The following ACP6 variants were observed in gnomAD, a reference collection of about 807,000 sequenced individuals.
ACP6 encodes the protein acid phosphatase 6, lysophosphatidic.
Under a neutral mutation model 48.1 loss-of-function variants are expected in ACP6, and 48 were observed. That is an observed-to-expected ratio of 1.00 (90% confidence interval 0.79 to 1.27). The LOEUF is 1.27. ACP6 is among the 50% of genes most tolerant of loss of function. The pLI, the probability that ACP6 is intolerant of heterozygous loss-of-function variation, is 0.00. For synonymous variants in ACP6, 172 were observed against 204.2 expected, an observed-to-expected ratio of 0.84 and a Z score of 1.34; for missense variants, 485 against 529.1, an observed-to-expected ratio of 0.92 and a Z score of 0.82.
intron 6 of ACP6, among the ~76,000 whole-genome samples, chr1:147,653,508 C>T (rs974670312): frequency 2.0e-5 from 3 of 151,920 alleles, no homozygotes; most frequent in Non-Finnish European, 2.9e-5. Context: ...TCTTCATTTT[C>T]CCAAAATGAA....
intron 6 of ACP6, 144 bp downstream of exon 6, chr1:147,654,050 A>G (rs1363381663): frequency 7.3e-6 from 10 of 1,367,790 alleles, no homozygotes; most frequent in Non-Finnish European, 9.8e-6. Flanking sequence ...CCTATCCCTC[A>G]GTCCCCACAC....
At chr1:147,652,891 A>C (rs1299888542) in intron 6 of ACP6, among the ~76,000 whole-genome samples, 2 of 152,180 alleles carry the variant, frequency 1.3e-5, no homozygotes, top group African/African-American at 2.4e-5. Context: ...CAGTGGCACG[A>C]TCTCGGCTCA....
chr1:147,659,665 G>A lies in ACP6; in HGVS notation c.330C>T (p.Tyr110=). ...PKPYSPYDSQ[Y]HETTLKGGMF... Reference sequence around the variant, plus strand: ...TGCTCACCTTCAGGGTGGTCTCATGGTATTGAGAGTCGTAAGGAGAATATG... The same window carrying A: ...TGCTCACCTTCAGGGTGGTCTCATGATATTGAGAGTCGTAAGGAGAATATG... The change falls in exon 2 of 10, where the codon TAC becomes TAT. Residue 110 remains tyrosine, a synonymous_variant. Transcript: ENST00000583509. 1.2e-6 allele frequency: 2 copies of A among 1,614,204 alleles called. No individual in the cohort carries two copies. Among genetic ancestry groups the A allele is most frequent in the East Asian group, 4.5e-5 (2 of 44,884 alleles).
At chr1:147,633,231 T>C (rs1272827965) in intron 5 of ACP6, among the ~76,000 whole-genome samples, 1 of 152,200 alleles carries the variant, frequency 6.6e-6, no homozygotes, top group Non-Finnish European at 1.5e-5. Context: ...TTCTTTCTCA[T>C]CCCAGCCCTT....
In ACP6 at chr1:147,646,152, ATAGAT is replaced by A. The variant is rs782796095; in HGVS notation, c.*1266_*1270del. Reference sequence around the variant, plus strand: ...GAAGATTGAGGATAAAGATATGTGAATAGATTAAAGAAATAAACAGGTAGTATTGA... The same window carrying A: ...GAAGATTGAGGATAAAGATATGTGAATAAAGAAATAAACAGGTAGTATTGA... On this transcript the variant is annotated 3_prime_UTR_variant, in exon 10 of 10. Coordinates refer to ENST00000583509, the MANE Select transcript of ACP6 (RefSeq NM_016361.5). 3 of 152,218 alleles carry A rather than the reference ATAGAT, an allele frequency of 2.0e-5. No homozygotes were observed. Among genetic ancestry groups the A allele is most frequent in the Non-Finnish European group, 4.4e-5 (3 of 68,050 alleles). The allele number at this position is 152,218 out of a possible 1,614,324, so 9.4% of individuals were successfully genotyped here.
chr1:147,668,435 T>TAC (rs201343678), intron 1 of ACP6, among the ~76,000 whole-genome samples: 15 of 150,448 alleles, frequency 1.0e-4, no homozygotes, highest in African/African-American at 3.4e-4. Flanking sequence ...TATATATATA[T>TAC]GGTACATACT....
chr1:147,636,388 G>A (rs1553208004), intron 5 of ACP6, among the ~76,000 whole-genome samples: 2 of 152,200 alleles, frequency 1.3e-5, no homozygotes, highest in Non-Finnish European at 2.9e-5. Flanking sequence ...ATCACAAGAA[G>A]CGGGACAGGA....
rs587763440 is a variant in ACP6, at chr1:147,670,345, G to T, written c.-297C>A. The T allele has an allele frequency of 9.7e-6, 3 of 308,112 alleles. No homozygotes were observed. The highest frequency in any genetic ancestry group is 4.3e-5 in the African/African-American group (2 of 46,834). The allele number at this position is 308,112 out of a possible 1,614,324, so 19.1% of individuals were successfully genotyped here. ...GGGGGAGATCGGATCCTTATCTTTT[G>T]CCCGACGAGGAACATTAAACTTGTA... On this transcript the variant is annotated 5_prime_UTR_variant, in exon 1 of 10. Transcript: ENST00000583509.
Position 147,667,687 on chromosome 1 carries a change from A to G in ACP6, c.219+2143T>C, listed in dbSNP as rs1312848051. 2.6e-5 allele frequency among the ~76,000 whole-genome samples: 4 copies of G among 152,138 alleles called. No individual in the cohort carries two copies. The East Asian group carries it at 7.7e-4, about 29-fold the overall frequency. On this transcript the variant is annotated intron_variant, in intron 1 of 9. Coordinates refer to ENST00000583509, the MANE Select transcript of ACP6 (RefSeq NM_016361.5). ...CTGACTATAATTAATAGCAGAACCA[A>G]GAAGATTAAAAAATCCCAATAACGG...
intron 7 of ACP6, chr1:147,651,208 G>C (rs1659901079): frequency 6.6e-6 from 1 of 152,192 alleles, no homozygotes; most frequent in Admixed American, 6.5e-5. Context: ...AAGCCAAGTT[G>C]GATGGCCTTG....
intron 5 of ACP6, among the ~76,000 whole-genome samples, chr1:147,631,459 T>G (rs1446921488): frequency 1.3e-5 from 2 of 152,220 alleles, no homozygotes; most frequent in Non-Finnish European, 2.9e-5. Context: ...GTTTGTTTTT[T>G]AACCAGTATT....
At chr1:147,654,794 A>G (rs587636150) in intron 5 of ACP6, among the ~76,000 whole-genome samples, 2 of 152,308 alleles carry the variant, frequency 1.3e-5, no homozygotes, top group African/African-American at 4.8e-5. Context: ...CCGGTTAAAG[A>G]CAGTCTCAAT....
chr1:147,669,983 G>A lies in ACP6; in HGVS notation c.66C>T (p.Tyr22=). Residue 22 remains tyrosine (Y), a synonymous_variant, in exon 1 of 10, where the codon TAC becomes TAT. Coordinates refer to ENST00000583509, the MANE Select transcript of ACP6 (RefSeq NM_016361.5). ...GGGCCACCCGCCGCTGGTGCAGGCA[G>A]TACGCCAGCGAGGTCAGGACGCCCA... is the stretch of plus-strand genomic sequence containing the variant. ...TPVGVLTSLA[Y]CLHQRRVALA... is the part of the protein sequence containing the mutation. The A allele has an allele frequency of 6.5e-7, 1 of 1,548,828 alleles. No individual in the cohort carries two copies. Among genetic ancestry groups the A allele is most frequent in the Non-Finnish European group, 8.7e-7 (1 of 1,146,354 alleles).
downstream of ACP6, among the ~76,000 whole-genome samples, chr1:147,640,165 T>C (rs1196693872): frequency 1.3e-5 from 2 of 152,122 alleles, no homozygotes; most frequent in South Asian, 2.1e-4. Context: ...CCCCAGCAGA[T>C]AGTATCACCA....
chr1:147,655,783 G>A (rs1403568992), intron 4 of ACP6, among the ~76,000 whole-genome samples: 1 of 152,134 alleles, frequency 6.6e-6, no homozygotes, highest in Non-Finnish European at 1.5e-5. Flanking sequence ...TGAATTGCTG[G>A]TCTAACCAAA....
intron 5 of ACP6, among the ~76,000 whole-genome samples, chr1:147,635,635 T>C (rs587728201): frequency 6.6e-6 from 1 of 152,298 alleles, no homozygotes; most frequent in Admixed American, 6.5e-5. Flanking sequence ...GATGAAGTGG[T>C]GTCTATGTGT....
chr1:147,669,941 C>G lies in ACP6; in HGVS notation c.108G>C (p.Glu36Asp). 1 of 1,553,110 alleles carries G rather than the reference C, an allele frequency of 6.4e-7. No homozygotes were observed. Among genetic ancestry groups the G allele is most frequent in the Non-Finnish European group, 8.7e-7 (1 of 1,148,924 alleles). ...GGTCGACCGGACACTGGCCATCGGC[C>G]TCCTGCAGCTCGGCCAGGGCCACCC... Reference protein sequence around the residue: ...QRRVALAELQEADGQCPVDRS... With the variant: ...QRRVALAELQDADGQCPVDRS... Residue 36 changes from glutamate to aspartate, a missense_variant, in exon 1 of 10, where the codon GAG (glutamate) becomes GAC (aspartate). By Grantham distance (45) the Glu-to-Asp change is conservative. Coordinates refer to ENST00000583509, the MANE Select transcript of ACP6 (RefSeq NM_016361.5).
At chr1:147,640,166 A>G (rs1553208471), downstream of ACP6, among the ~76,000 whole-genome samples, 1 of 152,162 alleles carries the variant, frequency 6.6e-6, no homozygotes, top group African/African-American at 2.4e-5. Flanking sequence ...CCCAGCAGAT[A>G]GTATCACCAT....
At chr1:147,659,216 T>C (rs1660406287) in intron 3 of ACP6, 177 bp from the exon 4 acceptor site, 2 of 1,060,438 alleles carry the variant, frequency 1.9e-6, no homozygotes, top group East Asian at 5.2e-5. Flanking sequence ...CGAAGTGCAA[T>C]GAATGCGACC....
Sources: gnomAD v4.1 joint callset for allele counts (sites outside exome capture counted in the v4.1 genomes callset) on GRCh38, gnomAD v4.1.1 for gene constraint, MANE v1.5 for transcripts, NCBI Gene and HGNC (gene_info 2026-07-23, HGNC 2026-07-21) for gene names.